The following BNC2 variants were observed in gnomAD, a reference collection of about 807,000 sequenced individuals.
BNC2 encodes zinc finger protein basonuclin-2.
Under a neutral mutation model 76.3 loss-of-function variants are expected in BNC2, and 20 were observed. That is an observed-to-expected ratio of 0.26 (90% confidence interval 0.18 to 0.38). The LOEUF is 0.38. Ranked by LOEUF, BNC2 falls within the 10% of genes least tolerant of loss-of-function variation. The pLI is 1.00. For missense variants in BNC2, 1,382 were observed against 1,399.8 expected (o/e 0.99, Z 0.20); for synonymous variants, 582 against 514.8 (o/e 1.13, Z -1.77).
chr9:16,729,517 C>T (rs980325563), intron 2 of BNC2, among the ~76,000 whole-genome samples: 2 of 151,746 alleles, frequency 1.3e-5, no homozygotes, highest in African/African-American at 4.9e-5. Context: ...CCTCTAGAAC[C>T]GACATCTCCT....
rs552554809 is a variant in BNC2 at position 16,852,138 on chromosome 9, CAA to C, written c.3+18506_3+18507del. On this transcript the variant is annotated intron_variant, in intron 1 of 6. Transcript: ENST00000380672. ...CTACAGAGATACATTTTGCTTTAAACAAAGTTAACCATCCTGTCCAGATCATG... is the reference window on the plus strand; with the variant it reads ...CTACAGAGATACATTTTGCTTTAAACAGTTAACCATCCTGTCCAGATCATG... Among the ~76,000 whole-genome samples, 317 of 152,282 alleles carry C rather than the reference CAA, an allele frequency of 2.1e-3. 1 individual carries two copies. The highest frequency in any genetic ancestry group is 6.7e-3 in the African/African-American group (280 of 41,554).
At chr9:16,833,283 C>T (rs184512191) in intron 1 of BNC2, among the ~76,000 whole-genome samples, 1 of 152,220 alleles carries the variant, frequency 6.6e-6, no homozygotes, top group Admixed American at 6.5e-5. Flanking sequence ...ATTAACAAAT[C>T]CAAAAACACT....
At chr9:16,802,107 T>C (rs1259420447) in intron 1 of BNC2, among the ~76,000 whole-genome samples, 2 of 152,150 alleles carry the variant, frequency 1.3e-5, no homozygotes, top group African/African-American at 4.8e-5. Flanking sequence ...GAAAAAAACA[T>C]AGCTATCATT....
chr9:16,551,646 C>G (rs1818666396), intron 5 of BNC2, among the ~76,000 whole-genome samples: 1 of 152,230 alleles, frequency 6.6e-6, no homozygotes, highest in Non-Finnish European at 1.5e-5. Flanking sequence ...AGGGGTATTT[C>G]TTCATCATCC....
intron 5 of BNC2, among the ~76,000 whole-genome samples, chr9:16,469,854 C>T (rs1370393917): frequency 1.3e-5 from 2 of 152,100 alleles, no homozygotes; most frequent in Non-Finnish European, 2.9e-5. Context: ...TATGTTTTAG[C>T]AAAGAGACTG....
At chr9:16,493,473 A>G (rs4961721) in intron 5 of BNC2, among the ~76,000 whole-genome samples, 7,142 of 152,260 alleles carry the variant, frequency 0.047, 334 homozygotes, top group South Asian at 0.25. Flanking sequence ...ACTGTAATAA[A>G]CGTGGCAACA....
intron 3 of BNC2, among the ~76,000 whole-genome samples, chr9:16,703,961 A>G (rs560943443): frequency 3.9e-5 from 6 of 152,360 alleles, no homozygotes; most frequent in South Asian, 2.1e-4. Flanking sequence ...ACATCTGAAC[A>G]GGAACATGAA....
chr9:16,775,397 T>G (rs199928381), intron 1 of BNC2, among the ~76,000 whole-genome samples: 2 of 148,206 alleles, frequency 1.3e-5, no homozygotes, highest in African/African-American at 5.0e-5. Flanking sequence ...ATTTCGTTAT[T>G]AAAAAAAAAA....
chr9:16,429,539 G>A (rs1326090283), intron 6 of BNC2: 1 of 159,094 alleles, frequency 6.3e-6, no homozygotes, highest in Admixed American at 6.2e-5. Flanking sequence ...AAATACCACC[G>A]GTGCACTCAG....
intron 3 of BNC2, among the ~76,000 whole-genome samples, chr9:16,636,055 A>G (rs916840778): frequency 6.6e-6 from 1 of 152,236 alleles, no homozygotes; most frequent in Admixed American, 6.5e-5. Context: ...AAATCTGCAC[A>G]AAGCATATGG....
intron 1 of BNC2, among the ~76,000 whole-genome samples, chr9:16,746,596 C>G (rs1825013856): frequency 6.6e-6 from 1 of 151,468 alleles, no homozygotes. Flanking sequence ...AACTCTTGGC[C>G]TCAAATGATC....
Position 16,810,104 on chromosome 9 carries a change from A to G in BNC2, c.3+60542T>C, listed in dbSNP as rs78010460. ...TTAATGACAGTACTTAAAAATCTGTAATGCAAATGTAAAGCCACTAAGGTA... is the reference window on the plus strand; with the variant it reads ...TTAATGACAGTACTTAAAAATCTGTGATGCAAATGTAAAGCCACTAAGGTA... On this transcript the variant is annotated intron_variant, in intron 1 of 6. Coordinates refer to ENST00000380672, the MANE Select transcript of BNC2 (RefSeq NM_017637.6). Among the ~76,000 whole-genome samples, 850 of 152,304 alleles carry G rather than the reference A, an allele frequency of 5.6e-3. 7 individuals are homozygous for G. Among genetic ancestry groups the G allele is most frequent in the African/African-American group, 0.02 (816 of 41,562 alleles).
chr9:16,506,513 CTTTTTTTT>C (rs568955982), intron 5 of BNC2, among the ~76,000 whole-genome samples: 189 of 43,326 alleles, frequency 4.4e-3, no homozygotes, highest in Non-Finnish European at 7.2e-3. Flanking sequence ...TCTCTCTCCT[CTTTTTTTT>C]TTTTTTTTTT....
At chr9:16,822,387 G>A (rs918275941) in intron 1 of BNC2, among the ~76,000 whole-genome samples, 4 of 151,972 alleles carry the variant, frequency 2.6e-5, no homozygotes, top group Non-Finnish European at 4.4e-5. Flanking sequence ...ACTTGCCCAC[G>A]GTCAGAGATC....
At chr9:16,559,005 G>A (rs1459166953) in intron 4 of BNC2, among the ~76,000 whole-genome samples, 1 of 151,818 alleles carries the variant, frequency 6.6e-6, no homozygotes, top group East Asian at 1.9e-4. Context: ...GTTCCAGGCT[G>A]AATGCAATTC....
At chr9:16,589,518 T>TTTGTTTG (rs1169838970) in intron 3 of BNC2, among the ~76,000 whole-genome samples, 1 of 148,350 alleles carries the variant, frequency 6.7e-6, no homozygotes, top group Non-Finnish European at 1.5e-5. Context: ...TGTTTGTTTG[T>TTTGTTTG]TTGTTTTTGA....
At chr9:16,559,212 C>T (rs889264340) in intron 4 of BNC2, among the ~76,000 whole-genome samples, 4 of 152,072 alleles carry the variant, frequency 2.6e-5, no homozygotes, top group African/African-American at 9.7e-5. Flanking sequence ...AAACCATGGC[C>T]CAGGATGGCT....
At chr9:16,669,692 C>T (rs895628920) in intron 3 of BNC2, among the ~76,000 whole-genome samples, 2 of 152,284 alleles carry the variant, frequency 1.3e-5, no homozygotes. Flanking sequence ...TCTACCTGCA[C>T]AAATAGAGAA....
At chr9:16,816,988 C>A (rs1818199895) in intron 1 of BNC2, among the ~76,000 whole-genome samples, 2 of 152,202 alleles carry the variant, frequency 1.3e-5, no homozygotes, top group Admixed American at 1.3e-4. Flanking sequence ...TCTCCAGCAA[C>A]TGACAAAGAA....
Sources: allele counts gnomAD v4.1 joint callset (sites outside exome capture counted in the v4.1 genomes callset), GRCh38; gene constraint gnomAD v4.1.1; transcripts MANE v1.5; gene names NCBI Gene and HGNC (gene_info 2026-07-23, HGNC 2026-07-21).